CASP9: variants seen among roughly 807,000 people sequenced by gnomAD.
The protein encoded by CASP9 is caspase-9.
A neutral mutation model predicts 43.5 loss-of-function variants in CASP9; 29 were observed. The ratio of observed to expected loss-of-function variants is 0.67; its 90% CI spans 0.50 to 0.91. The LOEUF (loss-of-function observed/expected upper bound fraction) is 0.91, where lower values mean the gene tolerates loss of function less well. Ranked by LOEUF, CASP9 falls within the 40% of genes least tolerant of loss-of-function variation. CASP9 has a pLI of 0.00. For missense variants in CASP9, 575 were observed against 537.4 expected, an observed-to-expected ratio of 1.07 and a Z score of -0.69; for synonymous variants, 206 against 211.9, an observed-to-expected ratio of 0.97 and a Z score of 0.24.
At chr1:15,500,973 G>C (rs4646074) in intron 6 of CASP9, among the ~76,000 whole-genome samples, 3 of 152,146 alleles carry the variant, frequency 2.0e-5, no homozygotes, top group African/African-American at 7.2e-5. Context: ...TGATGTGAAG[G>C]CCTTGCCTAG....
chr1:15,494,987 C>T (rs551371892), intron 7 of CASP9, among the ~76,000 whole-genome samples: 44 of 152,082 alleles, frequency 2.9e-4, no homozygotes, highest in African/African-American at 1.1e-3. Flanking sequence ...ACCCCTGAGG[C>T]ACGATTCCTA....
In CASP9 at chr1:15,507,927, G is replaced by C; in HGVS notation, c.419-20C>G. The C allele has an allele frequency of 1.2e-6, 2 of 1,613,964 alleles. No homozygotes were observed. Reference sequence around the variant, plus strand: ...GAGCACCTGAAGAGGCAGAGAAAGAGAGAAACATGAATGTTGGGTTACAGC... The same window carrying C: ...GAGCACCTGAAGAGGCAGAGAAAGACAGAAACATGAATGTTGGGTTACAGC... On this transcript the variant is annotated intron_variant, in intron 2 of 8. Coordinates refer to ENST00000333868, the MANE Select transcript of CASP9 (RefSeq NM_001229.5).
At chr1:15,501,021 A>AGC (rs1256682019) in intron 6 of CASP9, among the ~76,000 whole-genome samples, 1 of 152,130 alleles carries the variant, frequency 6.6e-6, no homozygotes, top group African/African-American at 2.4e-5. Context: ...GTTCTTGGAG[A>AGC]GCCTCGGTTC....
intron 2 of CASP9, among the ~76,000 whole-genome samples, chr1:15,510,198 G>A (rs1473036300): frequency 6.6e-5 from 10 of 152,136 alleles, no homozygotes; most frequent in Non-Finnish European, 5.9e-5. Context: ...CCAAAGTGCT[G>A]GGATTACAGG....
At chr1:15,508,002 G>T in intron 2 of CASP9, 95 bp from the exon 3 acceptor site, 1 of 1,268,636 alleles carries the variant, frequency 7.9e-7, no homozygotes, top group Non-Finnish European at 1.1e-6. Context: ...GAACGGAGCA[G>T]CGAGAACTCA....
Position 15,492,623 on chromosome 1 carries a change from T to G in CASP9, c.*320A>C. 2.9e-6 allele frequency: 1 copy of G among 342,930 alleles called. No homozygotes were observed. Among genetic ancestry groups the G allele is most frequent in the Non-Finnish European group, 5.3e-6 (1 of 187,358 alleles). 21.2% of individuals were successfully genotyped at this position (342,930 alleles called of 1,614,324 possible). Reference sequence around the variant, plus strand: ...CAGCAAAGGGTGACCTGGCCCCACATGTCAGTAGTGCAGAGGTTAATCCCT... The same window carrying G: ...CAGCAAAGGGTGACCTGGCCCCACAGGTCAGTAGTGCAGAGGTTAATCCCT... On this transcript the variant is annotated 3_prime_UTR_variant, in exon 9 of 9. Transcript: ENST00000333868.
intron 7 of CASP9, among the ~76,000 whole-genome samples, chr1:15,494,862 CA>C (rs563954013): frequency 0.058 from 2,570 of 44,100 alleles, 27 homozygotes; most frequent in African/African-American, 0.15. Context: ...GATTCCATCT[CA>C]AAAAAAAAAA....
intron 3 of CASP9, 117 bp from the exon 4 acceptor site, chr1:15,507,192 C>CAT: frequency 8.5e-7 from 1 of 1,180,770 alleles, no homozygotes; most frequent in Admixed American, 2.2e-5. Context: ...GCAGGGTCTC[C>CAT]ACCCGGCATT....
chr1:15,496,925 G>A (rs974413314), intron 6 of CASP9, among the ~76,000 whole-genome samples: 5 of 152,060 alleles, frequency 3.3e-5, no homozygotes, highest in African/African-American at 1.2e-4. Context: ...TGAGGTGGGA[G>A]AACCACTTGA....
intron 8 of CASP9, 24 bp downstream of exon 8, chr1:15,493,868 T>C: frequency 6.4e-7 from 1 of 1,568,820 alleles, no homozygotes; most frequent in Non-Finnish European, 8.6e-7. Context: ...TCCCCTCTCC[T>C]TTGCAGAGGA....
In CASP9 at chr1:15,492,934, G is replaced by C; in HGVS notation, c.*9C>G. 2 of 1,613,330 alleles carry C rather than the reference G, an allele frequency of 1.2e-6. No individual in the cohort carries two copies. Among genetic ancestry groups the C allele is most frequent in the Non-Finnish European group, 8.5e-7 (1 of 1,180,030 alleles). On this transcript the variant is annotated 3_prime_UTR_variant, in exon 9 of 9. Transcript: ENST00000333868. ...GGTGCAAGATAAGGCAGGGTGAGGG[G>C]CCCTGGCCTTATGATGTTTTAAAGA...
intron 7 of CASP9, among the ~76,000 whole-genome samples, chr1:15,494,862 CAAAAA>C (rs563954013): frequency 1.8e-4 from 8 of 44,298 alleles, no homozygotes; most frequent in Middle Eastern, 0.013. Flanking sequence ...GATTCCATCT[CAAAAA>C]AAAAAAAAAA....
intron 8 of CASP9, chr1:15,493,562 G>A (rs956163956): frequency 1.4e-6 from 2 of 1,418,484 alleles, no homozygotes; most frequent in Non-Finnish European, 1.8e-6. Context: ...ATAGGGAGGG[G>A]CCCATGACCC....
At chr1:15,516,962 C>A (rs1709973464) in intron 2 of CASP9, among the ~76,000 whole-genome samples, 1 of 152,220 alleles carries the variant, frequency 6.6e-6, no homozygotes, top group South Asian at 2.1e-4. Flanking sequence ...CAGCAAAGCA[C>A]CTGCCTTACA....
At chr1:15,498,981 C>T (rs1368581499) in intron 6 of CASP9, among the ~76,000 whole-genome samples, 1 of 152,136 alleles carries the variant, frequency 6.6e-6, no homozygotes, top group African/African-American at 2.4e-5. Context: ...TCGTGATCTG[C>T]CCGCCTCAGC....
At chr1:15,501,117 C>G (rs1709313278) in intron 6 of CASP9, among the ~76,000 whole-genome samples, 1 of 152,198 alleles carries the variant, frequency 6.6e-6, no homozygotes, top group Admixed American at 6.5e-5. Context: ...GAGATGTTCC[C>G]TCCGCACAGA....
intron 1 of CASP9, among the ~76,000 whole-genome samples, chr1:15,520,348 A>G (rs1437746919): frequency 3.7e-4 from 57 of 152,244 alleles, no homozygotes; most frequent in Non-Finnish European, 5.9e-5. Context: ...GTTTCAGTAT[A>G]ATAAAGAAAA....
intron 1 of CASP9, among the ~76,000 whole-genome samples, chr1:15,521,136 G>A (rs1201512121): frequency 3.5e-5 from 5 of 144,620 alleles, no homozygotes; most frequent in East Asian, 2.0e-4. Context: ...CAGCCTGGGC[G>A]ACAGAGCGAG....
intron 2 of CASP9, among the ~76,000 whole-genome samples, chr1:15,510,313 T>G (rs1335545968): frequency 1.3e-5 from 2 of 152,184 alleles, no homozygotes; most frequent in East Asian, 3.9e-4. Flanking sequence ...CCAATAACAG[T>G]GCCATTCCTT....
Sources: gnomAD v4.1 joint callset for allele counts (sites outside exome capture counted in the v4.1 genomes callset) on GRCh38, gnomAD v4.1.1 for gene constraint, MANE v1.5 for transcripts, NCBI Gene and HGNC (gene_info 2026-07-23, HGNC 2026-07-21) for gene names.